Variants in FSTL5 observed in about 807,000 individuals in gnomAD.
FSTL5 encodes the protein follistatin like 5, also known as follistatin-related protein 5.
A neutral mutation model predicts 89.1 loss-of-function variants in FSTL5; 62 were observed. The observed-to-expected ratio is 0.70, with a 90% CI of 0.57 to 0.86. The LOEUF (loss-of-function observed/expected upper bound fraction) is 0.86, where lower values mean the gene tolerates loss of function less well. Among genes scored for constraint, FSTL5 ranks in the 40% least tolerant of loss-of-function variants. The probability of loss-of-function intolerance (pLI) is 0.00; values close to 1 mark genes in which losing one functional copy is unlikely to be tolerated. For synonymous variants in FSTL5, 383 were observed against 346.2 expected, an observed-to-expected ratio of 1.11 and a Z score of -1.18; for missense variants, 1,057 against 1,001.6, an observed-to-expected ratio of 1.06 and a Z score of -0.75.
intron 4 of FSTL5, among the ~76,000 whole-genome samples, chr4:161,899,161 G>T (rs1733269754): frequency 6.6e-6 from 1 of 152,106 alleles, no homozygotes; most frequent in Non-Finnish European, 1.5e-5. Flanking sequence ...TCAACCATGG[G>T]ATTCTAATCA....
At chr4:161,946,920 G>T (rs939185367) in intron 3 of FSTL5, among the ~76,000 whole-genome samples, 1 of 152,046 alleles carries the variant, frequency 6.6e-6, no homozygotes, top group African/African-American at 2.4e-5. Flanking sequence ...CCACTGTAGT[G>T]GATGTGGCAC....
At chr4:161,758,844 C>T (rs959419017) in intron 6 of FSTL5, among the ~76,000 whole-genome samples, 12 of 152,104 alleles carry the variant, frequency 7.9e-5, no homozygotes, top group African/African-American at 2.7e-4. Context: ...TAAAGAATAA[C>T]CTGATAAGTA....
chr4:161,874,221 G>A lies in FSTL5; in HGVS notation c.409+46183C>T, dbSNP rs566727138. ...AACTTTTGCTATTTTTAATGTTATA[G>A]ACATTAAGAATGTTTGACATTCTTA... On this transcript the variant is annotated intron_variant, in intron 4 of 15. Coordinates refer to ENST00000306100, the MANE Select transcript of FSTL5 (RefSeq NM_020116.5). 2.0e-5 allele frequency among the ~76,000 whole-genome samples: 3 copies of A among 151,954 alleles called. No individual in the cohort carries two copies. In the East Asian group the frequency reaches 5.8e-4, roughly 29 times the overall value.
chr4:162,090,511 G>A (rs10005652), intron 2 of FSTL5, among the ~76,000 whole-genome samples: 52,873 of 151,890 alleles, frequency 0.35, 10,066 homozygotes, highest in East Asian at 0.53. Context: ...CTAAGCATTA[G>A]AGGAATGCCC....
chr4:161,523,717 T>C (rs968039796), intron 10 of FSTL5, among the ~76,000 whole-genome samples: 12 of 152,124 alleles, frequency 7.9e-5, no homozygotes, highest in African/African-American at 2.4e-4. Context: ...TAAGATTAAA[T>C]AGTAAACTAC....
chr4:161,906,132 A>G (rs1733515020), intron 4 of FSTL5, among the ~76,000 whole-genome samples: 1 of 152,126 alleles, frequency 6.6e-6, no homozygotes, highest in Non-Finnish European at 1.5e-5. Context: ...AAAGAAATTC[A>G]CCAGTCTCCA....
At chr4:161,765,728 T>C (rs1740969790) in intron 5 of FSTL5, among the ~76,000 whole-genome samples, 1 of 152,150 alleles carries the variant, frequency 6.6e-6, no homozygotes, top group African/African-American at 2.4e-5. Flanking sequence ...TGTGAATAAG[T>C]AGTTCTTTTC....
chr4:162,026,304 C>CT (rs397996028), intron 3 of FSTL5, among the ~76,000 whole-genome samples: 7 of 79,480 alleles, frequency 8.8e-5, no homozygotes, highest in African/African-American at 2.4e-4. Flanking sequence ...TATGTATTTT[C>CT]TTTTTTTTTT....
chr4:161,886,378 A>C (rs1732807119), intron 4 of FSTL5, among the ~76,000 whole-genome samples: 1 of 152,240 alleles, frequency 6.6e-6, no homozygotes, highest in African/African-American at 2.4e-5. Context: ...ACATAACATC[A>C]TTCTCTAAAA....
At chr4:161,851,991 G>T (rs1731568817) in intron 4 of FSTL5, among the ~76,000 whole-genome samples, 2 of 151,782 alleles carry the variant, frequency 1.3e-5, no homozygotes, top group Non-Finnish European at 2.9e-5. Flanking sequence ...CTTCATGACA[G>T]TTTGGTTGCT....
At chr4:162,108,551 T>G (rs1731315072) in intron 2 of FSTL5, among the ~76,000 whole-genome samples, 1 of 151,898 alleles carries the variant, frequency 6.6e-6, no homozygotes, top group African/African-American at 2.4e-5. Context: ...ATATTTAACA[T>G]TAGCAAAATA....
At chr4:161,897,705 A>C (rs2110778715) in intron 4 of FSTL5, among the ~76,000 whole-genome samples, 1 of 152,244 alleles carries the variant, frequency 6.6e-6, no homozygotes, top group South Asian at 2.1e-4. Flanking sequence ...GTTACAAGTA[A>C]TGAGCTGATA....
chr4:162,023,524 G>T (rs951396091), intron 3 of FSTL5, among the ~76,000 whole-genome samples: 1 of 152,012 alleles, frequency 6.6e-6, no homozygotes, highest in Admixed American at 6.6e-5. Context: ...CTTACCAAAA[G>T]AACAAAGTAT....
At chr4:161,647,345 A>G (rs768263071) in intron 7 of FSTL5, among the ~76,000 whole-genome samples, 1 of 152,180 alleles carries the variant, frequency 6.6e-6, no homozygotes, top group Non-Finnish European at 1.5e-5. Flanking sequence ...CCATAGGTCA[A>G]TATATCTGTC....
intron 15 of FSTL5, among the ~76,000 whole-genome samples, chr4:161,434,564 A>C (rs1732489616): frequency 6.6e-6 from 1 of 152,096 alleles, no homozygotes; most frequent in Admixed American, 6.5e-5. Context: ...GGAAAAATGA[A>C]CAAATGGGAT....
chr4:161,589,005 T>G (rs938380544), intron 7 of FSTL5, among the ~76,000 whole-genome samples: 1 of 151,312 alleles, frequency 6.6e-6, no homozygotes, highest in South Asian at 2.1e-4. Flanking sequence ...ATGTTTTTTT[T>G]TTTTTTTTTT....
intron 6 of FSTL5, among the ~76,000 whole-genome samples, chr4:161,693,796 G>A (rs1167194733): frequency 2.0e-5 from 3 of 151,476 alleles, no homozygotes; most frequent in African/African-American, 4.8e-5. Flanking sequence ...CAGCCACCAC[G>A]CCCGGCTACT....
intron 2 of FSTL5, among the ~76,000 whole-genome samples, chr4:162,038,875 C>G (rs542878414): frequency 3.9e-5 from 6 of 151,938 alleles, no homozygotes; most frequent in African/African-American, 1.4e-4. Context: ...TCCACCATAA[C>G]AGCATTGAGG....
intron 6 of FSTL5, among the ~76,000 whole-genome samples, chr4:161,704,197 C>T (rs1738495001): frequency 6.6e-6 from 1 of 152,138 alleles, no homozygotes; most frequent in Non-Finnish European, 1.5e-5. Context: ...CCATTTGTCT[C>T]TTATCTTCCT....
Sources: allele counts gnomAD v4.1 joint callset (sites outside exome capture counted in the v4.1 genomes callset), GRCh38; gene constraint gnomAD v4.1.1; transcripts MANE v1.5; gene names NCBI Gene and HGNC (gene_info 2026-07-23, HGNC 2026-07-21).